RNGTT: variants seen among roughly 807,000 people sequenced by gnomAD.
The protein encoded by RNGTT is mRNA-capping enzyme.
In RNGTT, 33 loss-of-function variants were observed where a neutral mutation model predicts 79.3. That is an observed-to-expected ratio of 0.42 (90% CI 0.32 to 0.56). RNGTT has a LOEUF of 0.56. RNGTT is among the 20% of genes least tolerant of loss of function. RNGTT has a pLI of 0.17. For missense variants in RNGTT, 497 were observed against 739.1 expected (o/e 0.67, Z 3.80); for synonymous variants, 222 against 235.9 (o/e 0.94, Z 0.54).
chr6:88,940,749 C>T (rs1218824410), intron 2 of RNGTT, among the ~76,000 whole-genome samples: 1 of 152,126 alleles, frequency 6.6e-6, no homozygotes, highest in Non-Finnish European at 1.5e-5. Context: ...ATAATCACTA[C>T]CATGAATTTA....
chr6:88,706,862 A>G (rs1776146382), intron 13 of RNGTT, among the ~76,000 whole-genome samples: 1 of 151,854 alleles, frequency 6.6e-6, no homozygotes, highest in South Asian at 2.1e-4. Flanking sequence ...TATCACACGA[A>G]TCATTACTTT....
intron 14 of RNGTT, among the ~76,000 whole-genome samples, chr6:88,636,090 T>C (rs1773089773): frequency 6.6e-6 from 1 of 152,070 alleles, no homozygotes; most frequent in Admixed American, 6.6e-5. Context: ...GGAGTGCATT[T>C]ATATCAGAAA....
chr6:88,820,099 C>T (rs189251708), intron 11 of RNGTT, among the ~76,000 whole-genome samples: 1 of 152,166 alleles, frequency 6.6e-6, no homozygotes, highest in East Asian at 1.9e-4. Context: ...CCCTGAAATG[C>T]CACAAGAGTG....
At chr6:88,785,388 AAAGTAAAT>A (rs1779195786) in intron 12 of RNGTT, among the ~76,000 whole-genome samples, 1 of 152,162 alleles carries the variant, frequency 6.6e-6, no homozygotes, top group Non-Finnish European at 1.5e-5. Flanking sequence ...AATTCAAAAA[AAAGTAAAT>A]ATTTATTTTA....
chr6:88,810,815 C>T (rs1359959222), intron 11 of RNGTT, among the ~76,000 whole-genome samples: 1 of 152,146 alleles, frequency 6.6e-6, no homozygotes, highest in South Asian at 2.1e-4. Flanking sequence ...GGTTGATTAA[C>T]ATCCCAATAA....
At chr6:88,743,317 C>T (rs563365510) in intron 13 of RNGTT, among the ~76,000 whole-genome samples, 31 of 152,072 alleles carry the variant, frequency 2.0e-4, no homozygotes, top group Admixed American at 7.9e-4. Context: ...TTTTTTATTA[C>T]GGTAAAATAT....
chr6:88,837,962 T>C (rs981270614), intron 11 of RNGTT, among the ~76,000 whole-genome samples: 2 of 152,154 alleles, frequency 1.3e-5, no homozygotes, highest in Admixed American at 1.3e-4. Flanking sequence ...AAAGTTAATG[T>C]ATGAAAAATC....
intron 11 of RNGTT, among the ~76,000 whole-genome samples, chr6:88,811,593 G>A (rs1412005289): frequency 6.6e-6 from 1 of 152,120 alleles, no homozygotes; most frequent in Non-Finnish European, 1.5e-5. Context: ...AAGTTACAAA[G>A]CATAGAAAGG....
At chr6:88,856,766 T>C (rs1781858633) in intron 8 of RNGTT, among the ~76,000 whole-genome samples, 1 of 152,160 alleles carries the variant, frequency 6.6e-6, no homozygotes, top group Non-Finnish European at 1.5e-5. Flanking sequence ...AGCTATTTCA[T>C]GTAAGGAATG....
chr6:88,929,499 A>T (rs73506559), intron 2 of RNGTT, among the ~76,000 whole-genome samples: 318 of 152,318 alleles, frequency 2.1e-3, no homozygotes, highest in African/African-American at 7.4e-3. Flanking sequence ...TAAGGAAAGA[A>T]CAGGAATATA....
intron 1 of RNGTT, among the ~76,000 whole-genome samples, chr6:88,945,972 C>T (rs751124247): frequency 8.5e-5 from 13 of 152,124 alleles, no homozygotes; most frequent in East Asian, 5.8e-4. Context: ...CAACACATTC[C>T]GATATGAGCA....
chr6:88,948,219 C>T (rs1342447589), intron 1 of RNGTT, among the ~76,000 whole-genome samples: 2 of 7,366 alleles, frequency 2.7e-4, no homozygotes, highest in Non-Finnish European at 4.7e-4. Context: ...CCGCCCCGTC[C>T]GGGAGGTGAG....
intron 13 of RNGTT, among the ~76,000 whole-genome samples, chr6:88,734,286 C>A (rs1377863714): frequency 6.6e-6 from 1 of 151,408 alleles, no homozygotes; most frequent in Non-Finnish European, 1.5e-5. Context: ...ATATTGCAAA[C>A]CCTAGGACAA....
intron 5 of RNGTT, 66 bp from the exon 6 acceptor site, chr6:88,905,021 C>CA: frequency 6.4e-7 from 1 of 1,557,652 alleles, no homozygotes; most frequent in Non-Finnish European, 8.7e-7. Flanking sequence ...ATCAAAAACT[C>CA]ACTTATTATA....
chr6:88,636,216 G>A (rs1328860374), intron 14 of RNGTT, among the ~76,000 whole-genome samples: 1 of 152,020 alleles, frequency 6.6e-6, no homozygotes, highest in Non-Finnish European at 1.5e-5. Context: ...ACATACATTT[G>A]TTGAGTACCT....
intron 13 of RNGTT, among the ~76,000 whole-genome samples, chr6:88,755,959 C>CAAAAA (rs1157096180): frequency 1.7e-3 from 52 of 30,484 alleles, no homozygotes; most frequent in African/African-American, 3.2e-3. Context: ...GACTCCGTCT[C>CAAAAA]AAAAAAAAAA....
At position 88,912,145 on chromosome 6, in the gene RNGTT, G is replaced by A. The variant is rs150309763; in HGVS notation, c.368-5705C>T. Among the ~76,000 whole-genome samples the A allele has an allele frequency of 2.8e-3, 430 of 151,740 alleles. 2 individuals are homozygous for A. Among genetic ancestry groups the A allele is most frequent in the African/African-American group, 9.8e-3 (405 of 41,360 alleles). On this transcript the variant is annotated intron_variant, in intron 4 of 15. Coordinates refer to ENST00000369485, the MANE Select transcript of RNGTT (RefSeq NM_003800.5). ...GGCCTGGGCATGGTGGCTCATACCT[G>A]TAATCCCAGCATTTTGGGAGGCCAA...
chr6:88,912,458 C>T (rs1783857476), intron 4 of RNGTT, among the ~76,000 whole-genome samples: 2 of 151,926 alleles, frequency 1.3e-5, no homozygotes, highest in Admixed American at 6.6e-5. Flanking sequence ...TATCTAATAT[C>T]GCATCTAAAG....
Position 88,844,450 on chromosome 6 carries a change from T to C in RNGTT, c.1176A>G (p.Arg392=), listed in dbSNP as rs1781422002. Residue 392 remains arginine (R), a synonymous_variant, in exon 11 of 16, where the codon CGA becomes CGG. Transcript: ENST00000369485. The part of the protein sequence containing the change: ...QCIEREIISP[R]HEKMKTGLID... ...TGAGCCCAGTCTTCATTTTTTCGTG[T>C]CGAGGACTTATAATTTCTCGTTCTA... 6.2e-7 allele frequency: 1 copy of C among 1,614,102 alleles called. No individual in the cohort carries two copies. Among genetic ancestry groups the C allele is most frequent in the Non-Finnish European group, 8.5e-7 (1 of 1,179,964 alleles).
Sources: allele counts gnomAD v4.1 joint callset (sites outside exome capture counted in the v4.1 genomes callset), GRCh38; gene constraint gnomAD v4.1.1; transcripts MANE v1.5; gene names NCBI Gene and HGNC (gene_info 2026-07-23, HGNC 2026-07-21).